Variants in PI4KA observed in about 807,000 individuals in gnomAD.
PI4KA encodes the protein PI4-kinase alpha.
In PI4KA, 122 loss-of-function variants were observed where a neutral mutation model predicts 271.4. The ratio of observed to expected loss-of-function variants is 0.45; its 90% confidence interval spans 0.39 to 0.52. The LOEUF (loss-of-function observed/expected upper bound fraction) is 0.52, where lower values mean the gene tolerates loss of function less well. Among genes scored for constraint, PI4KA ranks in the 20% least tolerant of loss-of-function variants. The probability of loss-of-function intolerance (pLI) is 0.00; values close to 1 mark genes in which losing one functional copy is unlikely to be tolerated. For missense variants in PI4KA, 1,969 were observed against 2,769.1 expected (o/e 0.71, Z 6.48); for synonymous variants, 1,041 against 1,078.8 (o/e 0.96, Z 0.69).
chr22:20,830,854 C>T (rs1240909636), intron 3 of PI4KA, among the ~76,000 whole-genome samples: 1 of 152,108 alleles, frequency 6.6e-6, no homozygotes, highest in East Asian at 1.9e-4. Context: ...TCACTGTAAC[C>T]TCCACCTCCT....
chr22:20,754,676 A>G (rs1415775149), intron 23 of PI4KA, among the ~76,000 whole-genome samples: 1 of 152,068 alleles, frequency 6.6e-6, no homozygotes, highest in African/African-American at 2.4e-5. Context: ...TTGGCCAGGC[A>G]TGGTGGCTCA....
At chr22:20,779,891 T>G in intron 19 of PI4KA, 1 of 1,614,228 alleles carries the variant, frequency 6.2e-7, no homozygotes, top group East Asian at 2.2e-5. Flanking sequence ...GCAGCAAGTA[T>G]GAAATCACGA....
chr22:20,844,121 CTG>C (rs1925947041), intron 1 of PI4KA, among the ~76,000 whole-genome samples: 1 of 152,202 alleles, frequency 6.6e-6, no homozygotes, highest in Admixed American at 6.5e-5. Flanking sequence ...ACATAGAACT[CTG>C]TATTTCTCAA....
intron 50 of PI4KA, 87 bp from the exon 51 acceptor site, chr22:20,711,548 G>A: frequency 1.8e-6 from 2 of 1,138,028 alleles, no homozygotes; most frequent in African/African-American, 1.6e-5. Context: ...CTGGGCCTGT[G>A]GGCACTCTCC....
At chr22:20,818,907 T>C (rs923135225) in intron 6 of PI4KA, among the ~76,000 whole-genome samples, 1 of 152,104 alleles carries the variant, frequency 6.6e-6, no homozygotes, top group Non-Finnish European at 1.5e-5. Flanking sequence ...TTTATGACTA[T>C]GAAATCACTT....
At chr22:20,771,474 G>A (rs905749726) in intron 19 of PI4KA, among the ~76,000 whole-genome samples, 1 of 151,884 alleles carries the variant, frequency 6.6e-6, no homozygotes, top group Non-Finnish European at 1.5e-5. Flanking sequence ...GAAAATGACT[G>A]AAAAATGTCA....
chr22:20,820,447 A>G, intron 5 of PI4KA, 92 bp downstream of exon 5: 1 of 841,240 alleles, frequency 1.2e-6, no homozygotes, highest in Non-Finnish European at 2.0e-6. Context: ...CATCATATAT[A>G]TTAGGTACCC....
intron 9 of PI4KA, among the ~76,000 whole-genome samples, chr22:20,809,077 A>T (rs1935846539): frequency 6.6e-6 from 1 of 152,184 alleles, no homozygotes; most frequent in Admixed American, 6.6e-5. Context: ...TTTACAGACA[A>T]CGTCTGGTGG....
chr22:20,742,317 GA>G lies in PI4KA; in HGVS notation c.3651del (p.Leu1219SerfsTer40), dbSNP rs1357708715. On this transcript the variant is annotated frameshift_variant, in exon 32 of 55. Transcript: ENST00000255882. LOFTEE classifies it high-confidence loss of function. ...CCATGCTCATTGAACATCCGGAGGG[GA>G]CCCCAGCACAGATGATGAAGGAGCT... ...DPQLLHHLCW[G>X]PLRMFNEHGM... The G allele has an allele frequency of 6.2e-7, 1 of 1,614,168 alleles. No individual in the cohort carries two copies. The highest frequency in any genetic ancestry group is 1.3e-5 in the African/African-American group (1 of 75,048).
At chr22:20,768,431 GA>G (rs1932726474) in intron 19 of PI4KA, among the ~76,000 whole-genome samples, 1 of 151,554 alleles carries the variant, frequency 6.6e-6, no homozygotes, top group African/African-American at 2.4e-5. Context: ...TATGTCAAGA[GA>G]AAAAAATCCA....
intron 19 of PI4KA, among the ~76,000 whole-genome samples, chr22:20,787,990 C>T (rs186479088): frequency 6.6e-6 from 1 of 152,340 alleles, no homozygotes; most frequent in African/African-American, 2.4e-5. Flanking sequence ...ATCCCTCATA[C>T]CTGGTCCTGC....
In PI4KA at chr22:20,752,259, C is replaced by T. The variant is rs116353792; in HGVS notation, c.2988-504G>A. Among the ~76,000 whole-genome samples, 338 of 152,308 alleles carry T rather than the reference C, an allele frequency of 2.2e-3. 3 individuals are homozygous for T. Among genetic ancestry groups the T allele is most frequent in the African/African-American group, 7.9e-3 (327 of 41,570 alleles). ...AGACACACGCCACGTGTGTGCTGGA[C>T]TCGTTCTCGTGACCCCTGGCTGGCT... On this transcript the variant is annotated intron_variant, in intron 25 of 54. Coordinates refer to ENST00000255882, the MANE Select transcript of PI4KA (RefSeq NM_058004.4).
intron 12 of PI4KA, among the ~76,000 whole-genome samples, chr22:20,803,995 G>GC (rs1179661393): frequency 2.0e-5 from 3 of 152,310 alleles, no homozygotes; most frequent in African/African-American, 7.2e-5. Flanking sequence ...CCCTTGCGTG[G>GC]CCCCATGGCA....
At chr22:20,811,076 AG>A in intron 8 of PI4KA, 44 bp from the exon 9 acceptor site, 2 of 1,421,226 alleles carry the variant, frequency 1.4e-6, no homozygotes, top group South Asian at 2.3e-5. Context: ...ACATACACAG[AG>A]ACAGGAATGC....
At chr22:20,763,864 GGGA>G (rs1932252245) in intron 22 of PI4KA, among the ~76,000 whole-genome samples, 1 of 152,236 alleles carries the variant, frequency 6.6e-6, no homozygotes, top group Admixed American at 6.5e-5. Context: ...GCTGAGGGCA[GGGA>G]GGAGGAGACT....
intron 19 of PI4KA, among the ~76,000 whole-genome samples, chr22:20,774,345 A>C (rs1933072447): frequency 6.6e-6 from 1 of 152,240 alleles, no homozygotes; most frequent in African/African-American, 2.4e-5. Context: ...CAAACTTAGA[A>C]TAGGAGCTGT....
At position 20,727,301 on chromosome 22, in the gene PI4KA, A is replaced by G; in HGVS notation, c.4870T>C (p.Phe1624Leu). 1 of 1,613,314 alleles carries G rather than the reference A, an allele frequency of 6.2e-7. No individual in the cohort carries two copies. Among genetic ancestry groups the G allele is most frequent in the Non-Finnish European group, 8.5e-7 (1 of 1,179,952 alleles). Residue 1624 changes from phenylalanine (F) to leucine (L), a missense_variant, in exon 41 of 55, where the codon TTC becomes CTC. Coordinates refer to ENST00000255882, the MANE Select transcript of PI4KA (RefSeq NM_058004.4). ...PTDPPTGLSYFSSMYPPHPLT... is the reference protein window; with the variant it reads ...PTDPPTGLSYLSSMYPPHPLT... ...GGGTGCGGCGGGTACATGCTGGAGA[A>G]GTAGGAGAGGCCTGTGGGTGGGTCC...
intron 32 of PI4KA, 88 bp downstream of exon 32, chr22:20,742,140 C>T: frequency 7.1e-7 from 1 of 1,415,312 alleles, no homozygotes; most frequent in Non-Finnish European, 9.7e-7. Context: ...CCAGTGTCTC[C>T]ATGCTTGGTG....
chr22:20,711,540 G>A (rs1249589707), intron 50 of PI4KA, 79 bp from the exon 51 acceptor site: 3 of 1,112,966 alleles, frequency 2.7e-6, no homozygotes, highest in Non-Finnish European at 4.0e-6. Context: ...CAGGATCCCT[G>A]GGCCTGTGGG....
Sources: allele counts gnomAD v4.1 joint callset (sites outside exome capture counted in the v4.1 genomes callset), GRCh38; gene constraint gnomAD v4.1.1; transcripts MANE v1.5; gene names NCBI Gene and HGNC (gene_info 2026-07-23, HGNC 2026-07-21).